Variants in CEP192 observed in about 807,000 individuals in gnomAD.
CEP192 encodes the protein centrosomal protein 192, also known as centrosomal protein of 192 kDa.
A neutral mutation model predicts 271.8 loss-of-function variants in CEP192; 151 were observed. The ratio of observed to expected loss-of-function variants is 0.56; its 90% CI spans 0.49 to 0.64. The LOEUF (loss-of-function observed/expected upper bound fraction) is 0.64. Ranked by LOEUF, CEP192 falls within the 30% of genes least tolerant of loss-of-function variation. CEP192 has a pLI of 0.00. For synonymous variants in CEP192, 995 were observed against 1,076.5 expected (o/e 0.92, Z 1.48); for missense variants, 2,910 against 3,020.5 (o/e 0.96, Z 0.86).
At chr18:13,037,532 T>G (rs1406339731) in intron 12 of CEP192, among the ~76,000 whole-genome samples, 2 of 152,216 alleles carry the variant, frequency 1.3e-5, no homozygotes, top group Non-Finnish European at 2.9e-5. Context: ...TTAGAATTGC[T>G]TTAATGGCAT....
intron 21 of CEP192, among the ~76,000 whole-genome samples, chr18:13,063,544 G>T (rs1199921148): frequency 6.6e-6 from 1 of 152,080 alleles, no homozygotes; most frequent in Non-Finnish European, 1.5e-5. Context: ...CAAATATTTT[G>T]CCCAGTTTTT....
chr18:12,995,254 C>T (rs925459177), intron 1 of CEP192, among the ~76,000 whole-genome samples: 11 of 151,584 alleles, frequency 7.3e-5, no homozygotes, highest in Admixed American at 5.9e-4. Context: ...TTAGTAGAGA[C>T]GGGGTTTCAC....
At chr18:13,094,344 A>G (rs1271833021) in intron 34 of CEP192, among the ~76,000 whole-genome samples, 1 of 152,156 alleles carries the variant, frequency 6.6e-6, no homozygotes, top group African/African-American at 2.4e-5. Context: ...TTCTAATTCC[A>G]TCTTTCTGCA....
intron 44 of CEP192, among the ~76,000 whole-genome samples, chr18:13,123,875 T>G (rs1260444525): frequency 6.6e-6 from 1 of 152,158 alleles, no homozygotes; most frequent in Non-Finnish European, 1.5e-5. Context: ...GATGAAAGTT[T>G]CCGGCCGGGC....
intron 32 of CEP192, 152 bp from the exon 33 acceptor site, chr18:13,089,304 C>T (rs2039034021): frequency 2.3e-6 from 1 of 434,086 alleles, no homozygotes. Flanking sequence ...TTTCAAAGAA[C>T]TTCCAAAACA....
intron 32 of CEP192, 62 bp from the exon 33 acceptor site, chr18:13,089,394 A>G (rs1355198073): frequency 1.3e-6 from 1 of 780,028 alleles, no homozygotes; most frequent in Non-Finnish European, 2.0e-6. Context: ...GTGAAAATCT[A>G]ATTAAAGTTA....
chr18:13,066,095 TCTAA>T (rs1344674839), intron 21 of CEP192, among the ~76,000 whole-genome samples: 1 of 152,160 alleles, frequency 6.6e-6, no homozygotes, highest in African/African-American at 2.4e-5. Context: ...TAATGAGATG[TCTAA>T]CTAAAGCAAA....
At chr18:12,995,580 G>A (rs1272207273) in intron 1 of CEP192, among the ~76,000 whole-genome samples, 1 of 152,210 alleles carries the variant, frequency 6.6e-6, no homozygotes, top group Non-Finnish European at 1.5e-5. Context: ...TGGGAATGCA[G>A]TGGCAAACCA....
intron 30 of CEP192, among the ~76,000 whole-genome samples, chr18:13,083,656 T>C (rs1432018440): frequency 6.6e-6 from 1 of 152,240 alleles, no homozygotes; most frequent in Non-Finnish European, 1.5e-5. Context: ...CTTTGTTCTG[T>C]TGCTGGTGAG....
chr18:12,997,118 G>C (rs2033299001), intron 1 of CEP192, among the ~76,000 whole-genome samples: 1 of 152,170 alleles, frequency 6.6e-6, no homozygotes. Flanking sequence ...GGGGCCGATT[G>C]GTAGAGTGGT....
intron 3 of CEP192, among the ~76,000 whole-genome samples, 165 bp from the exon 4 acceptor site, chr18:13,008,291 T>C (rs907944587): frequency 1.3e-5 from 2 of 152,236 alleles, no homozygotes; most frequent in African/African-American, 4.8e-5. Context: ...CAGAATACAG[T>C]GCAGTGTTAG....
intron 30 of CEP192, among the ~76,000 whole-genome samples, chr18:13,082,218 A>G (rs1037691117): frequency 2.0e-5 from 3 of 152,004 alleles, no homozygotes; most frequent in African/African-American, 7.2e-5. Flanking sequence ...TAAAGTCTCC[A>G]ATTATTATTG....
chr18:13,068,042 C>T (rs1387613344), intron 22 of CEP192, 52 bp from the exon 23 acceptor site: 1 of 1,603,098 alleles, frequency 6.2e-7, no homozygotes, highest in Non-Finnish European at 8.5e-7. Flanking sequence ...TGTTAGCAAA[C>T]TTAGCATTAC....
intron 5 of CEP192, among the ~76,000 whole-genome samples, chr18:13,013,274 G>C (rs1199198182): frequency 6.6e-6 from 1 of 152,094 alleles, no homozygotes; most frequent in African/African-American, 2.4e-5. Flanking sequence ...TGTTTGCTCT[G>C]CTTCACTCTG....
Position 13,069,590 on chromosome 18 carries a change from G to A in CEP192, c.5056-148G>A, listed in dbSNP as rs1181999834. 1.1e-5 allele frequency: 7 copies of A among 641,154 alleles called. No homozygotes were observed. The African/African-American group carries it at 1.3e-4, about 12-fold the overall frequency. The allele number at this position is 641,154 out of a possible 1,614,324, so 39.7% of individuals were successfully genotyped here. ...AGAGAAAGAAATATCCTTTCCAAGA[G>A]AATAGGACAAGTTGAGACCGTGACA... On this transcript the variant is annotated intron_variant, in intron 26 of 44. Transcript: ENST00000506447.
rs2036020677 is a variant in CEP192, at chr18:13,038,324, A to C, written c.1600-46A>C. The C allele has an allele frequency of 8.3e-6, 12 of 1,448,584 alleles. 1 individual carries two copies. The South Asian group carries it at 1.5e-4, about 18-fold the overall frequency. 89.7% of individuals were successfully genotyped at this position (1,448,584 alleles called of 1,614,324 possible). On this transcript the variant is annotated intron_variant, in intron 12 of 44. Transcript: ENST00000506447. ...TTTTTGTATATTAGAACAACAGAAA[A>C]GTGACTTGCTGGGGGAAAGAAACGA...
At chr18:13,088,915 G>GT (rs768442700) in intron 32 of CEP192, 1,020 of 430,100 alleles carry the variant, frequency 2.4e-3, no homozygotes, top group South Asian at 3.0e-3. Context: ...GTATTCTGAT[G>GT]TTTTTTTTTC....
chr18:13,040,986 A>G (rs754706038), intron 14 of CEP192, 30 bp downstream of exon 14: 2 of 1,579,628 alleles, frequency 1.3e-6, no homozygotes, highest in Non-Finnish European at 1.7e-6. Context: ...GGCTTTTAGG[A>G]ATCTTTTTTT....
rs370421446 is a variant in CEP192 at position 13,008,528 on chromosome 18, A to C, written c.363A>C (p.Leu121Phe). 40 of 1,551,600 alleles carry C rather than the reference A, an allele frequency of 2.6e-5. No individual in the cohort carries two copies. Among genetic ancestry groups the C allele is most frequent in the Non-Finnish European group, 3.4e-5 (39 of 1,146,892 alleles). ...ATGCTCTCAGCAAACAGTCAGCTTTACAAATGGAGACAGCAGGACCAGAAG... is the reference window on the plus strand; with the variant it reads ...ATGCTCTCAGCAAACAGTCAGCTTTCCAAATGGAGACAGCAGGACCAGAAG... ...LSNALSKQSA[L>F]QMETAGPEEE... is the part of the protein sequence containing the mutation. Residue 121 changes from leucine (L) to phenylalanine (F), a missense_variant, in exon 4 of 45, where the codon TTA (leucine) becomes TTC (phenylalanine). Physicochemically the swap from Leu to Phe is conservative, Grantham distance 22. Coordinates refer to ENST00000506447, the MANE Select transcript of CEP192 (RefSeq NM_032142.4).
Sources: allele counts gnomAD v4.1 joint callset (sites outside exome capture counted in the v4.1 genomes callset), GRCh38; gene constraint gnomAD v4.1.1; transcripts MANE v1.5; gene names NCBI Gene and HGNC (gene_info 2026-07-23, HGNC 2026-07-21).